CACNA1A: variants seen among roughly 807,000 people sequenced by gnomAD.
CACNA1A encodes voltage-dependent P/Q-type calcium channel subunit alpha-1A.
A neutral mutation model predicts 262.4 loss-of-function variants in CACNA1A; 57 were observed. The ratio of observed to expected loss-of-function variants is 0.22; its 90% confidence interval spans 0.18 to 0.27. The LOEUF (loss-of-function observed/expected upper bound fraction) is 0.27, where lower values mean the gene tolerates loss of function less well. Ranked by LOEUF, CACNA1A falls within the 10% of genes least tolerant of loss-of-function variation. CACNA1A has a pLI of 1.00. For synonymous variants in CACNA1A, 1,431 were observed against 1,419.3 expected, an observed-to-expected ratio of 1.01 and a Z score of -0.18; for missense variants, 2,526 against 3,562.8, an observed-to-expected ratio of 0.71 and a Z score of 7.41.
intron 31 of CACNA1A, chr19:13,243,791 T>TC (rs1433151980): frequency 6.6e-6 from 1 of 152,410 alleles, no homozygotes; most frequent in Non-Finnish European, 1.5e-5. Flanking sequence ...ACTCCTGGCC[T>TC]CAGGTGATCC....
chr19:13,456,080 G>A (rs140421175), intron 1 of CACNA1A, among the ~76,000 whole-genome samples: 1 of 151,624 alleles, frequency 6.6e-6, no homozygotes. Context: ...AACCTGGGAG[G>A]TGGAGGTTGC....
chr19:13,436,043 T>C (rs184033034), intron 3 of CACNA1A, among the ~76,000 whole-genome samples: 5 of 152,296 alleles, frequency 3.3e-5, no homozygotes, highest in Non-Finnish European at 4.4e-5. Context: ...TACGCTGGTC[T>C]TGAACTCCTG....
At chr19:13,353,584 T>C (rs2058953910) in intron 6 of CACNA1A, among the ~76,000 whole-genome samples, 1 of 152,202 alleles carries the variant, frequency 6.6e-6, no homozygotes, top group Non-Finnish European at 1.5e-5. Context: ...TTGCTTCCAG[T>C]TTTGTTCTAA....
intron 31 of CACNA1A, chr19:13,244,316 G>C (rs2056169059): frequency 6.6e-6 from 1 of 152,296 alleles, no homozygotes; most frequent in Non-Finnish European, 1.5e-5. Flanking sequence ...CTGAGACCAA[G>C]ACCTCTACCC....
chr19:13,392,918 T>C (rs533238798), intron 3 of CACNA1A, among the ~76,000 whole-genome samples: 1 of 152,314 alleles, frequency 6.6e-6, no homozygotes, highest in African/African-American at 2.4e-5. Flanking sequence ...GGCTAATCTT[T>C]GTATTTTTTT....
intron 1 of CACNA1A, among the ~76,000 whole-genome samples, chr19:13,480,126 A>G (rs1201378070): frequency 6.6e-6 from 1 of 152,172 alleles, no homozygotes; most frequent in African/African-American, 2.4e-5. Context: ...TATATAGTTG[A>G]CCCCTGAACA....
chr19:13,405,839 G>A (rs569159399), intron 3 of CACNA1A, among the ~76,000 whole-genome samples: 1 of 152,208 alleles, frequency 6.6e-6, no homozygotes, highest in South Asian at 2.1e-4. Flanking sequence ...TACTGTTGAC[G>A]CCATTTTACA....
chr19:13,366,581 G>A (rs778072581), intron 4 of CACNA1A, among the ~76,000 whole-genome samples: 2 of 152,188 alleles, frequency 1.3e-5, no homozygotes, highest in Non-Finnish European at 2.9e-5. Flanking sequence ...ACAGGCATGA[G>A]CCACAGAGCC....
intron 6 of CACNA1A, among the ~76,000 whole-genome samples, chr19:13,354,202 A>C (rs2058964768): frequency 6.6e-6 from 1 of 152,124 alleles, no homozygotes; most frequent in East Asian, 1.9e-4. Context: ...TCTGCGGTAC[A>C]CCTGTGTCCA....
chr19:13,327,542 A>C (rs2058385198), intron 10 of CACNA1A, among the ~76,000 whole-genome samples: 1 of 150,882 alleles, frequency 6.6e-6, no homozygotes, highest in East Asian at 1.9e-4. Context: ...AAATTAAAAA[A>C]ATTAAAAATA....
intron 3 of CACNA1A, among the ~76,000 whole-genome samples, chr19:13,394,811 A>G (rs558621637): frequency 2.6e-5 from 4 of 152,226 alleles, no homozygotes; most frequent in East Asian, 3.9e-4. Flanking sequence ...CTGCCCTTCT[A>G]TCTCTTAGTC....
intron 31 of CACNA1A, chr19:13,235,983 GC>G (rs2055860316): frequency 5.1e-6 from 2 of 391,710 alleles, no homozygotes; most frequent in African/African-American, 4.1e-5. Context: ...CTCCCTGCCA[GC>G]CCCACCCACA....
intron 38 of CACNA1A, among the ~76,000 whole-genome samples, chr19:13,217,090 T>C (rs1277555885): frequency 1.3e-5 from 2 of 152,094 alleles, no homozygotes; most frequent in Non-Finnish European, 2.9e-5. Context: ...GAGTTGAGAC[T>C]GCGCCACTGC....
chr19:13,387,152 T>C (rs1363542577), intron 3 of CACNA1A, among the ~76,000 whole-genome samples: 3 of 152,114 alleles, frequency 2.0e-5, no homozygotes, highest in African/African-American at 2.4e-5. Flanking sequence ...GGGTTCACCA[T>C]GTTGGCCAGC....
At chr19:13,341,810 T>C (rs2058681033) in intron 6 of CACNA1A, among the ~76,000 whole-genome samples, 1 of 152,188 alleles carries the variant, frequency 6.6e-6, no homozygotes, top group Admixed American at 6.5e-5. Context: ...CTTATTTCTC[T>C]TGTTCTCTCG....
chr19:13,309,908 C>T (rs1012292111), intron 12 of CACNA1A, among the ~76,000 whole-genome samples: 1 of 152,080 alleles, frequency 6.6e-6, no homozygotes, highest in Non-Finnish European at 1.5e-5. Flanking sequence ...CAACTATCAC[C>T]TCTATCAAGT....
At chr19:13,330,408 T>C (rs1303425660) in intron 9 of CACNA1A, 75 bp from the exon 10 acceptor site, 34 of 1,054,880 alleles carry the variant, frequency 3.2e-5, no homozygotes, top group Non-Finnish European at 4.6e-5. Flanking sequence ...ACACAGTGTG[T>C]CCTTGGATTT....
intron 19 of CACNA1A, among the ~76,000 whole-genome samples, chr19:13,296,482 GT>G (rs2057669315): frequency 6.6e-6 from 1 of 152,206 alleles, no homozygotes; most frequent in Admixed American, 6.5e-5. Flanking sequence ...ACAAAATGTC[GT>G]TATGAAAAAG....
rs777661791 is a variant in CACNA1A, at chr19:13,332,937, G to A, written c.1199-12C>T. The stretch of plus-strand genomic sequence containing the variant: ...GAGGATCACCTCTTCTGAAGAGGAA[G>A]AGCACAGAGTTAAGCTCCTGCATTT... On this transcript the variant is annotated splice_polypyrimidine_tract_variant and intron_variant, in intron 8 of 46. Transcript: ENST00000360228. The A allele has an allele frequency of 2.3e-5, 37 of 1,608,226 alleles. No homozygotes were observed. The highest frequency in any genetic ancestry group is 4.5e-5 in the East Asian group (2 of 44,842).
Sources: allele counts gnomAD v4.1 joint callset (sites outside exome capture counted in the v4.1 genomes callset), GRCh38; gene constraint gnomAD v4.1.1; transcripts MANE v1.5; gene names NCBI Gene and HGNC (gene_info 2026-07-23, HGNC 2026-07-21).